The following DNAJC1 variants were observed in gnomAD, a reference collection of about 807,000 sequenced individuals.
DNAJC1 encodes dnaJ homolog subfamily C member 1.
A neutral mutation model predicts 76.6 loss-of-function variants in DNAJC1; 58 were observed. The observed-to-expected ratio is 0.76, with a 90% CI of 0.61 to 0.94. DNAJC1 has a LOEUF of 0.94. Among genes scored for constraint, DNAJC1 ranks in the 40% least tolerant of loss-of-function variants. DNAJC1 has a pLI of 0.00. For missense variants in DNAJC1, 689 were observed against 677.3 expected (o/e 1.02, Z -0.19); for synonymous variants, 258 against 267.9 (o/e 0.96, Z 0.36).
At position 22,003,246 on chromosome 10, in the gene DNAJC1, C is replaced by G. The variant is rs747139160; in HGVS notation, c.189G>C (p.Gln63His). The change falls in exon 1 of 12, where the codon CAG (glutamine) becomes CAC (histidine). Residue 63 changes from glutamine to histidine, a missense_variant. By Grantham distance (24) the Gln-to-His change is conservative. Transcript: ENST00000376980. ...LELFDLVEEV[Q>H]LNFYQFLGVQ... ...CCCCGAGGAACTGGTAGAAGTTGAG[C>G]TGCACCTCCTCCACTAAGTCAAACA... 28 of 1,570,244 alleles carry G rather than the reference C, an allele frequency of 1.8e-5. No homozygotes were observed. The Admixed American group carries it at 4.9e-4, about 27-fold the overall frequency.
At chr10:21,933,583 T>C (rs1168912257) in intron 1 of DNAJC1, 1 of 152,224 alleles carries the variant, frequency 6.6e-6, no homozygotes, top group Non-Finnish European at 1.5e-5. Flanking sequence ...CTAAGAAAGA[T>C]GTAAACTGCC....
rs1187819138 is a variant in DNAJC1 at position 22,003,355 on chromosome 10, G to A, written c.80C>T (p.Pro27Leu). The A allele has an allele frequency of 7.3e-7, 1 of 1,365,430 alleles. No homozygotes were observed. Among genetic ancestry groups the A allele is most frequent in the Non-Finnish European group, 9.4e-7 (1 of 1,059,298 alleles). The allele number at this position is 1,365,430 out of a possible 1,614,324, so 84.6% of individuals were successfully genotyped here. A position where few individuals can be genotyped will look rare whatever the true frequency, so the allele number is the denominator to read the frequency against. The change falls in exon 1 of 12, where the codon CCG becomes CTG. Residue 27 changes from proline to leucine, a missense_variant. Coordinates refer to ENST00000376980, the MANE Select transcript of DNAJC1 (RefSeq NM_022365.4). ...LGLVPFPPPPPRTPLLWLLLL... is the reference protein window; with the variant it reads ...LGLVPFPPPPLRTPLLWLLLL... ...CAGCAGCCACAGCAGCGGCGTCCGCGGCGGCGGCGGCGGGAACGGCACCAG... is the reference window on the plus strand; with the variant it reads ...CAGCAGCCACAGCAGCGGCGTCCGCAGCGGCGGCGGCGGGAACGGCACCAG...
intron 7 of DNAJC1, among the ~76,000 whole-genome samples, chr10:21,889,526 ATATCT>A (rs751571135): frequency 2.0e-5 from 3 of 152,216 alleles, no homozygotes; most frequent in Non-Finnish European, 4.4e-5. Context: ...TTGTTTACTC[ATATCT>A]TATAGTAACC....
chr10:21,766,301 G>C lies in DNAJC1; in HGVS notation c.1107C>G (p.Thr369=). The C allele has an allele frequency of 6.2e-7, 1 of 1,613,730 alleles. No homozygotes were observed. ...CTGAATCCTTCAGTTGCTTGGCTTT[G>C]GTTGTCACCTGTTTCAAAACATAAA... ...ELGRSVTDVT[T]KAKQLKDSVT... Residue 369 remains threonine (T), a synonymous_variant, in exon 10 of 12, where the codon ACC becomes ACG. Coordinates refer to ENST00000376980, the MANE Select transcript of DNAJC1 (RefSeq NM_022365.4).
At chr10:21,868,830 G>A (rs1320344188) in intron 8 of DNAJC1, among the ~76,000 whole-genome samples, 2 of 151,812 alleles carry the variant, frequency 1.3e-5, no homozygotes, top group African/African-American at 4.9e-5. Flanking sequence ...AGTTAGATAT[G>A]CCTCATTATA....
chr10:21,970,360 C>T (rs1564841426), intron 1 of DNAJC1, among the ~76,000 whole-genome samples: 1 of 151,676 alleles, frequency 6.6e-6, no homozygotes, highest in Non-Finnish European at 1.5e-5. Context: ...CAGTAGAAAA[C>T]AACAAAGATT....
At chr10:21,934,549 C>T (rs1356787516) in intron 1 of DNAJC1, among the ~76,000 whole-genome samples, 1 of 152,110 alleles carries the variant, frequency 6.6e-6, no homozygotes, top group Non-Finnish European at 1.5e-5. Flanking sequence ...ATAGTAAATA[C>T]CCTATACAAG....
intron 8 of DNAJC1, among the ~76,000 whole-genome samples, chr10:21,841,571 T>G (rs568556180): frequency 1.3e-5 from 2 of 152,290 alleles, no homozygotes; most frequent in African/African-American, 4.8e-5. Context: ...TCACACCAGT[T>G]AGAATGGCGA....
chr10:21,997,180 G>A (rs1371022728), intron 1 of DNAJC1, among the ~76,000 whole-genome samples: 8 of 152,146 alleles, frequency 5.3e-5, no homozygotes, highest in Non-Finnish European at 1.0e-4. Flanking sequence ...CATCATTCAT[G>A]AATGAAATCA....
At position 21,788,498 on chromosome 10, in the gene DNAJC1, A is replaced by G. The variant is rs192405193; in HGVS notation, c.1098+17482T>C. 3.0e-3 allele frequency among the ~76,000 whole-genome samples: 452 copies of G among 152,238 alleles called. 1 individual carries two copies. Among genetic ancestry groups the G allele is most frequent in the Non-Finnish European group, 5.3e-3 (363 of 68,002 alleles). ...CAACTCCAGTACCCTGCTTCTCTGGAGCTGGACCAGCACCCTATGGTCTGG... is the reference window on the plus strand; with the variant it reads ...CAACTCCAGTACCCTGCTTCTCTGGGGCTGGACCAGCACCCTATGGTCTGG... On this transcript the variant is annotated intron_variant, in intron 9 of 11. Transcript: ENST00000376980.
chr10:21,786,476 A>AGG, intron 9 of DNAJC1, among the ~76,000 whole-genome samples: 1 of 142,712 alleles, frequency 7.0e-6, no homozygotes, highest in Non-Finnish European at 1.5e-5. Flanking sequence ...AGAGAGAGAG[A>AGG]GAGAGAGAGA....
At chr10:21,760,558 G>T (rs1031828199) in intron 10 of DNAJC1, among the ~76,000 whole-genome samples, 2 of 152,208 alleles carry the variant, frequency 1.3e-5, no homozygotes, top group Non-Finnish European at 2.9e-5. Flanking sequence ...ATTTGGACAC[G>T]GGGCGTGGGA....
intron 1 of DNAJC1, among the ~76,000 whole-genome samples, chr10:21,937,595 A>G (rs893006597): frequency 2.6e-5 from 4 of 152,132 alleles, no homozygotes; most frequent in Non-Finnish European, 5.9e-5. Flanking sequence ...AACTTGAACA[A>G]CAGTATAAAC....
intron 8 of DNAJC1, among the ~76,000 whole-genome samples, chr10:21,879,380 T>C (rs1021044424): frequency 1.3e-5 from 2 of 152,116 alleles, no homozygotes; most frequent in Non-Finnish European, 2.9e-5. Flanking sequence ...TCCCAGCACT[T>C]TAGGAGGCTG....
intron 8 of DNAJC1, among the ~76,000 whole-genome samples, chr10:21,876,074 A>T (rs910793764): frequency 1.3e-5 from 2 of 152,044 alleles, no homozygotes; most frequent in Non-Finnish European, 2.9e-5. Context: ...AAAATATCCC[A>T]TATGTACAAA....
At chr10:21,766,233 T>C in intron 10 of DNAJC1, 28 bp downstream of exon 10, 2 of 1,544,022 alleles carry the variant, frequency 1.3e-6, no homozygotes, top group Non-Finnish European at 1.8e-6. Context: ...CACTTTAGAT[T>C]AATGAGATAG....
At chr10:21,868,265 C>G (rs1036090283) in intron 8 of DNAJC1, among the ~76,000 whole-genome samples, 2 of 151,102 alleles carry the variant, frequency 1.3e-5, no homozygotes, top group Non-Finnish European at 2.9e-5. Context: ...GCTGGGCTTA[C>G]AGACATGCAC....
chr10:21,995,551 T>C (rs1417723021), intron 1 of DNAJC1, among the ~76,000 whole-genome samples: 1 of 152,232 alleles, frequency 6.6e-6, no homozygotes, highest in Non-Finnish European at 1.5e-5. Context: ...GTCCTTTAAT[T>C]CTTGATCTTA....
intron 8 of DNAJC1, among the ~76,000 whole-genome samples, chr10:21,870,002 GAAAAGA>G (rs1836075894): frequency 6.6e-6 from 1 of 151,792 alleles, no homozygotes; most frequent in Admixed American, 6.6e-5. Context: ...TGACAAATAA[GAAAAGA>G]AAATCACAGG....
Sources: gnomAD v4.1 joint callset for allele counts (sites outside exome capture counted in the v4.1 genomes callset) on GRCh38, gnomAD v4.1.1 for gene constraint, MANE v1.5 for transcripts, NCBI Gene and HGNC (gene_info 2026-07-23, HGNC 2026-07-21) for gene names.